The following MMP26 variants were observed in gnomAD, a reference collection of about 807,000 sequenced individuals.
MMP26 encodes the protein matrix metalloproteinase-26.
A neutral mutation model predicts 31.0 loss-of-function variants in MMP26; 33 were observed. The observed-to-expected ratio is 1.06, with a 90% CI of 0.81 to 1.42. The LOEUF is 1.42. Ranked by LOEUF, MMP26 falls within the 40% of genes most tolerant of loss-of-function variation. The probability of loss-of-function intolerance (pLI) is 0.00; values close to 1 mark genes in which losing one functional copy is unlikely to be tolerated. For missense variants in MMP26, 347 were observed against 316.1 expected (o/e 1.10, Z -0.74); for synonymous variants, 122 against 114.9 (o/e 1.06, Z -0.40).
intron 2 of MMP26, among the ~76,000 whole-genome samples, chr11:4,854,993 C>T (rs554860247): frequency 6.6e-6 from 1 of 152,330 alleles, no homozygotes; most frequent in South Asian, 2.1e-4. Context: ...AGAGCTACAG[C>T]TAAGGGTCCT....
intron 2 of MMP26, among the ~76,000 whole-genome samples, chr11:4,863,993 T>A (rs1043150767): frequency 3.9e-5 from 6 of 152,178 alleles, no homozygotes; most frequent in African/African-American, 9.6e-5. Flanking sequence ...TCATGTTTAA[T>A]CACTAAGTAA....
At chr11:4,746,876 CAA>C (rs1491444729) in intron 1 of MMP26, among the ~76,000 whole-genome samples, 35 of 143,438 alleles carry the variant, frequency 2.4e-4, no homozygotes, top group Admixed American at 1.9e-3. Context: ...CACACACACA[CAA>C]AGGCTATACA....
At chr11:4,861,865 G>A (rs369478506) in intron 2 of MMP26, among the ~76,000 whole-genome samples, 13 of 151,982 alleles carry the variant, frequency 8.6e-5, no homozygotes, top group African/African-American at 2.9e-4. Context: ...ACTCCTTTAA[G>A]GGTTCCCAAT....
At chr11:4,929,985 C>T (rs187404211) in intron 2 of MMP26, among the ~76,000 whole-genome samples, 146 of 152,036 alleles carry the variant, frequency 9.6e-4, no homozygotes, top group Admixed American at 2.2e-3. Flanking sequence ...AATTGAGAAA[C>T]GTTTTGTTCA....
intron 2 of MMP26, among the ~76,000 whole-genome samples, chr11:4,925,629 C>G (rs1851259959): frequency 1.3e-5 from 2 of 151,804 alleles, no homozygotes. Context: ...GATGGGGGGT[C>G]AGTTCATAAA....
At position 4,854,759 on chromosome 11, in the gene MMP26, G is replaced by A. The variant is rs185906822; in HGVS notation, c.-145+87418G>A. Among the ~76,000 whole-genome samples the A allele has an allele frequency of 2.6e-3, 394 of 152,334 alleles. 2 individuals are homozygous for A. The highest frequency in any genetic ancestry group is 4.6e-3 in the Admixed American group (71 of 15,302). ...TTTGAGATCTGAGAATGGACAGACT[G>A]TCTCCTCAAGTGGGTCCCTGACCCT... On this transcript the variant is annotated intron_variant, in intron 2 of 7. Transcript: ENST00000380390.
rs1465355555 is a variant in MMP26, at chr11:4,949,713, T to C, written c.-144-38355T>C. On this transcript the variant is annotated intron_variant, in intron 2 of 7. Transcript: ENST00000380390. ...GAAAATAAACTGGTAAAATCAGAAA[T>C]GAATAAAATAGAAATATGATATAAA... is the stretch of plus-strand genomic sequence containing the variant. 6.5e-5 allele frequency among the ~76,000 whole-genome samples: 8 copies of C among 122,518 alleles called. 3 individuals carry two copies. Among genetic ancestry groups the C allele is most frequent in the Non-Finnish European group, 1.3e-4 (7 of 53,946 alleles). 80.4% of individuals were successfully genotyped at this position (122,518 alleles called of 152,430 possible). A position where few individuals can be genotyped will look rare whatever the true frequency, so the allele number is the denominator to read the frequency against.
chr11:4,833,966 A>T (rs1272464098), intron 2 of MMP26, among the ~76,000 whole-genome samples: 6 of 152,258 alleles, frequency 3.9e-5, no homozygotes, highest in Non-Finnish European at 8.8e-5. Flanking sequence ...CACTCTCCTG[A>T]CAACAAAGTA....
intron 2 of MMP26, among the ~76,000 whole-genome samples, chr11:4,778,536 T>C (rs569924094): frequency 6.6e-6 from 1 of 152,076 alleles, no homozygotes; most frequent in Non-Finnish European, 1.5e-5. Context: ...GTAATATGCT[T>C]TGATGCCTGG....
At chr11:4,895,167 C>G (rs763787576) in intron 2 of MMP26, among the ~76,000 whole-genome samples, 1 of 152,126 alleles carries the variant, frequency 6.6e-6, no homozygotes, top group African/African-American at 2.4e-5. Flanking sequence ...TTACTACTAA[C>G]AAGTATTAAA....
chr11:4,924,065 C>G (rs1453828638), intron 2 of MMP26: 1 of 1,614,166 alleles, frequency 6.2e-7, no homozygotes, highest in East Asian at 2.2e-5. Flanking sequence ...GCCAATCTCT[C>G]TGGTATCAAA....
intron 1 of MMP26, among the ~76,000 whole-genome samples, chr11:4,748,424 A>C (rs73393026): frequency 0.016 from 2,383 of 152,196 alleles, 61 homozygotes; most frequent in African/African-American, 0.055. Flanking sequence ...GGAGGGGGGA[A>C]TTACCCCTAA....
At chr11:4,925,836 C>G (rs1433928520) in intron 2 of MMP26, among the ~76,000 whole-genome samples, 1 of 150,624 alleles carries the variant, frequency 6.6e-6, no homozygotes, top group Admixed American at 6.6e-5. Context: ...AGACATTTTA[C>G]TTACAATGGC....
chr11:4,881,357 C>T (rs1296309178), intron 2 of MMP26, among the ~76,000 whole-genome samples: 2 of 152,114 alleles, frequency 1.3e-5, no homozygotes, highest in East Asian at 1.9e-4. Flanking sequence ...TCTCATCGCT[C>T]AGTTACTTTT....
At chr11:4,860,392 T>G (rs1335567087) in intron 2 of MMP26, 4 of 471,098 alleles carry the variant, frequency 8.5e-6, no homozygotes, top group African/African-American at 4.0e-5. Flanking sequence ...CGTGGGCTCA[T>G]GGAGACTTGG....
At chr11:4,864,818 T>A (rs1850212884) in intron 2 of MMP26, among the ~76,000 whole-genome samples, 1 of 152,090 alleles carries the variant, frequency 6.6e-6, no homozygotes, top group African/African-American at 2.4e-5. Context: ...TAGAATCAAT[T>A]TCAGAAAGAC....
chr11:4,766,803 A>AT (rs11357007), intron 1 of MMP26, among the ~76,000 whole-genome samples: 1 of 145,752 alleles, frequency 6.9e-6, no homozygotes, highest in Non-Finnish European at 1.5e-5. Flanking sequence ...TATGACATTC[A>AT]TTTTTTGCAG....
chr11:4,818,262 A>G (rs1465786724), intron 2 of MMP26, among the ~76,000 whole-genome samples: 6 of 152,210 alleles, frequency 3.9e-5, no homozygotes, highest in Non-Finnish European at 5.9e-5. Flanking sequence ...CTTTATTGGT[A>G]AATATTTTTT....
chr11:4,743,888 C>G (rs888412659), intron 1 of MMP26, among the ~76,000 whole-genome samples: 16 of 152,158 alleles, frequency 1.1e-4, no homozygotes, highest in Non-Finnish European at 2.9e-5. Context: ...TCACTGCAGC[C>G]TTGACCTCCT....
Sources: allele counts gnomAD v4.1 joint callset (sites outside exome capture counted in the v4.1 genomes callset), GRCh38; gene constraint gnomAD v4.1.1; transcripts MANE v1.5; gene names NCBI Gene and HGNC (gene_info 2026-07-23, HGNC 2026-07-21).